The following UBE2G2 variants were observed in gnomAD, a reference collection of about 807,000 sequenced individuals.
UBE2G2 encodes the protein ubiquitin conjugating enzyme E2 G2.
Under a neutral mutation model 23.0 loss-of-function variants are expected in UBE2G2, and 10 were observed. The observed-to-expected ratio is 0.43, with a 90% CI of 0.27 to 0.74. The LOEUF is 0.74. Ranked by LOEUF, UBE2G2 falls within the 30% of genes least tolerant of loss-of-function variation. UBE2G2 has a pLI of 0.19. For synonymous variants in UBE2G2, 86 were observed against 81.3 expected (o/e 1.06, Z -0.31); for missense variants, 150 against 218.3 (o/e 0.69, Z 1.97).
intron 1 of UBE2G2, among the ~76,000 whole-genome samples, chr21:44,797,298 G>C (rs1208903478): frequency 1.3e-5 from 2 of 152,214 alleles, no homozygotes; most frequent in African/African-American, 4.8e-5. Context: ...GACAATAAAA[G>C]GGAGAACATA....
chr21:44,794,213 T>C (rs2083067487), intron 1 of UBE2G2, among the ~76,000 whole-genome samples: 1 of 152,222 alleles, frequency 6.6e-6, no homozygotes, highest in African/African-American at 2.4e-5. Context: ...TATGAGGAAA[T>C]ACATTTCTGT....
chr21:44,783,451 A>C (rs2082971625), intron 3 of UBE2G2, among the ~76,000 whole-genome samples: 1 of 152,284 alleles, frequency 6.6e-6, no homozygotes, highest in African/African-American at 2.4e-5. Context: ...CCACACAGAC[A>C]GTGTGACAAG....
At chr21:44,788,443 C>A (rs1171016235) in intron 1 of UBE2G2, among the ~76,000 whole-genome samples, 4 of 151,968 alleles carry the variant, frequency 2.6e-5, no homozygotes, top group African/African-American at 7.2e-5. Flanking sequence ...GCGCCCACCA[C>A]CACGCCCAGC....
intron 1 of UBE2G2, among the ~76,000 whole-genome samples, chr21:44,793,549 G>A (rs1383198009): frequency 7.3e-6 from 1 of 136,250 alleles, no homozygotes; most frequent in African/African-American, 2.8e-5. Context: ...AGGCTGGAGG[G>A]AATGGTTCAG....
chr21:44,787,081 A>G (rs1235837965), intron 3 of UBE2G2, among the ~76,000 whole-genome samples: 9 of 141,370 alleles, frequency 6.4e-5, no homozygotes, highest in African/African-American at 2.4e-4. Flanking sequence ...AACAAGGGCG[A>G]AACTCCATCT....
intron 1 of UBE2G2, among the ~76,000 whole-genome samples, chr21:44,795,161 G>A (rs1374511362): frequency 1.3e-5 from 2 of 152,150 alleles, no homozygotes; most frequent in Non-Finnish European, 2.9e-5. Flanking sequence ...TACTTGGGAA[G>A]CTGAGGCAGG....
chr21:44,778,678 A>G (rs1466562263), intron 3 of UBE2G2, among the ~76,000 whole-genome samples: 2 of 152,210 alleles, frequency 1.3e-5, no homozygotes, highest in Non-Finnish European at 2.9e-5. Flanking sequence ...TTTGATAAGG[A>G]AGCAGGACTG....
At chr21:44,779,167 C>T (rs1023286227) in intron 3 of UBE2G2, 12 of 422,084 alleles carry the variant, frequency 2.8e-5, no homozygotes, top group East Asian at 1.6e-4. Flanking sequence ...TCAGGGCTGT[C>T]GGCAGCAACA....
intron 1 of UBE2G2, among the ~76,000 whole-genome samples, chr21:44,791,390 G>A (rs2083043264): frequency 6.6e-6 from 1 of 152,142 alleles, no homozygotes; most frequent in Non-Finnish European, 1.5e-5. Context: ...CAGCCCCGCT[G>A]CTACTCTGTG....
rs575969374 is a variant in UBE2G2 at position 44,787,079 on chromosome 21, C to T, written c.125+841G>A. ...CGCACTCCAGCCTGGGCAACAAGGG[C>T]GAAACTCCATCTCAAAAAAAAAAAA... On this transcript the variant is annotated intron_variant, in intron 3 of 5. Coordinates refer to ENST00000345496, the MANE Select transcript of UBE2G2 (RefSeq NM_003343.6). Among the ~76,000 whole-genome samples, 15 of 137,852 alleles carry T rather than the reference C, an allele frequency of 1.1e-4. No homozygotes were observed. In the South Asian group the frequency reaches 2.6e-3, roughly 24 times the overall value. The allele number at this position is 137,852 out of a possible 152,430, so 90.4% of individuals were successfully genotyped here.
chr21:44,797,740 A>AAAAAAAAAG lies in UBE2G2; in HGVS notation c.43+3965_43+3966insCTTTTTTTT, dbSNP rs781868771. ...AAAAAAAAAAAAAAAAAAAAAAAAA[A>AAAAAAAAAG]AGAGAAAATACCTGCTCACAGTCTA... On this transcript the variant is annotated intron_variant, in intron 1 of 5. Coordinates refer to ENST00000345496, the MANE Select transcript of UBE2G2 (RefSeq NM_003343.6). 2.7e-3 allele frequency among the ~76,000 whole-genome samples: 303 copies of AAAAAAAAAG among 114,322 alleles called. 16 individuals carry two copies. Among genetic ancestry groups the AAAAAAAAAG allele is most frequent in the African/African-American group, 7.8e-3 (243 of 31,100 alleles). The allele number at this position is 114,322 out of a possible 152,430, so 75.0% of individuals were successfully genotyped here. A position where few individuals can be genotyped will look rare whatever the true frequency, so the allele number is the denominator to read the frequency against.
intron 2 of UBE2G2, 32 bp from the exon 3 acceptor site, chr21:44,787,997 T>C: frequency 3.1e-6 from 5 of 1,611,414 alleles, no homozygotes; most frequent in Non-Finnish European, 4.2e-6. Context: ...CACAACATTT[T>C]AACTTTGAAG....
At chr21:44,792,491 T>C (rs1555963063) in intron 1 of UBE2G2, among the ~76,000 whole-genome samples, 1 of 152,184 alleles carries the variant, frequency 6.6e-6, no homozygotes, top group Non-Finnish European at 1.5e-5. Context: ...TGGCAAGTTC[T>C]TCCTTGGCTT....
chr21:44,781,018 C>T (rs1325123428), intron 3 of UBE2G2, among the ~76,000 whole-genome samples: 1 of 152,344 alleles, frequency 6.6e-6, no homozygotes, highest in East Asian at 1.9e-4. Flanking sequence ...TTCAGCTGCA[C>T]GCAGGTGTTG....
At chr21:44,780,045 T>C (rs140239841) in intron 3 of UBE2G2, among the ~76,000 whole-genome samples, 1 of 152,256 alleles carries the variant, frequency 6.6e-6, no homozygotes, top group Non-Finnish European at 1.5e-5. Flanking sequence ...CTCAATACTT[T>C]GATAACAGTT....
chr21:44,784,897 C>T (rs2082983398), intron 3 of UBE2G2, among the ~76,000 whole-genome samples: 2 of 152,180 alleles, frequency 1.3e-5, no homozygotes, highest in Admixed American at 1.3e-4. Flanking sequence ...AATGCTGGGG[C>T]AGGACACAGA....
intron 3 of UBE2G2, among the ~76,000 whole-genome samples, chr21:44,782,125 A>G (rs893553809): frequency 3.9e-5 from 6 of 152,226 alleles, no homozygotes; most frequent in Non-Finnish European, 7.3e-5. Flanking sequence ...AGTATATAAA[A>G]TAAAAAGCAA....
Position 44,787,941 on chromosome 21 carries a change from A to G in UBE2G2, c.104T>C (p.Phe35Ser), listed in dbSNP as rs2083009157. ...VAGPMNEENF[F>S]EWEALIMGPE... ...TTACATGATCAATGCCTCCCATTCA[A>G]AAAAGTTCTCTTCATTCATGGGGCC... Residue 35 changes from phenylalanine (F) to serine (S), a missense_variant, in exon 3 of 6, where the codon TTT becomes TCT. Transcript: ENST00000345496. The G allele has an allele frequency of 1.2e-6, 2 of 1,614,030 alleles. No homozygotes were observed. Among genetic ancestry groups the G allele is most frequent in the South Asian group, 1.1e-5 (1 of 91,032 alleles).
Position 44,773,656 on chromosome 21 carries a change from G to T in UBE2G2, c.276C>A (p.Ile92=). 6.2e-7 allele frequency: 1 copy of T among 1,612,790 alleles called. No individual in the cohort carries two copies. Residue 92 remains isoleucine, a synonymous_variant, in exon 5 of 6, where the codon ATC becomes ATA. Coordinates refer to ENST00000345496, the MANE Select transcript of UBE2G2 (RefSeq NM_003343.6). ...TGGGGTCATCGCCTGGCGCGTGGAG[G>T]ATGGAAATGCAGACTCTCCCATCAG... is the stretch of plus-strand genomic sequence containing the variant. ...IYPDGRVCIS[I]LHAPGDDPMG...
Sources: allele counts gnomAD v4.1 joint callset (sites outside exome capture counted in the v4.1 genomes callset), GRCh38; gene constraint gnomAD v4.1.1; transcripts MANE v1.5; gene names NCBI Gene and HGNC (gene_info 2026-07-23, HGNC 2026-07-21).